The following RNLS variants were observed in gnomAD, a reference collection of about 807,000 sequenced individuals.
RNLS encodes renalase, FAD dependent amine oxidase.
A neutral mutation model predicts 39.8 loss-of-function variants in RNLS; 39 were observed. The observed-to-expected ratio is 0.98, with a 90% confidence interval of 0.76 to 1.28. RNLS has a LOEUF of 1.28. Ranked by LOEUF, RNLS falls within the 50% of genes most tolerant of loss-of-function variation. RNLS has a pLI of 0.00. For missense variants in RNLS, 410 were observed against 413.3 expected (o/e 0.99, Z 0.07); for synonymous variants, 147 against 150.7 (o/e 0.98, Z 0.18).
chr10:88,406,219 C>T (rs754399053), intron 4 of RNLS, among the ~76,000 whole-genome samples: 13 of 151,990 alleles, frequency 8.6e-5, no homozygotes, highest in South Asian at 2.1e-4. Flanking sequence ...GATATTTTTG[C>T]GATTAATTTC....
chr10:88,417,442 C>T (rs1250582392), intron 4 of RNLS, among the ~76,000 whole-genome samples: 1 of 152,192 alleles, frequency 6.6e-6, no homozygotes, highest in African/African-American at 2.4e-5. Context: ...CAAGAGTCCA[C>T]ATTTATGGAG....
intron 4 of RNLS, among the ~76,000 whole-genome samples, chr10:88,546,904 C>CAAA (rs35186408): frequency 7.5e-6 from 1 of 133,460 alleles, no homozygotes; most frequent in Non-Finnish European, 1.7e-5. Flanking sequence ...ACCATGAAAC[C>CAAA]AAAAAAAAAA....
chr10:88,408,368 T>G (rs934955681), intron 4 of RNLS, among the ~76,000 whole-genome samples: 10 of 152,086 alleles, frequency 6.6e-5, no homozygotes, highest in African/African-American at 2.4e-4. Flanking sequence ...ATTCATATGT[T>G]AGAACCTAAT....
chr10:88,285,329 C>A lies in RNLS; in HGVS notation c.*25G>T. On this transcript the variant is annotated 3_prime_UTR_variant, in exon 7 of 7. Transcript: ENST00000331772. ...ATTGTGAAAATAAAAACCCAATACA[C>A]ATGTAGAGAATAAGGATATAGGCAC... is the stretch of plus-strand genomic sequence containing the variant. 1 of 1,560,162 alleles carries A rather than the reference C, an allele frequency of 6.4e-7. No individual in the cohort carries two copies. The highest frequency in any genetic ancestry group is 8.7e-7 in the Non-Finnish European group (1 of 1,147,864).
intron 4 of RNLS, among the ~76,000 whole-genome samples, chr10:88,372,333 G>C (rs1589674829): frequency 6.6e-6 from 1 of 152,026 alleles, no homozygotes; most frequent in African/African-American, 2.4e-5. Context: ...AGGAAAAAAG[G>C]GTTTTCTCTC....
At chr10:88,348,517 G>T (rs1243776202) in intron 5 of RNLS, among the ~76,000 whole-genome samples, 1 of 152,086 alleles carries the variant, frequency 6.6e-6, no homozygotes, top group Non-Finnish European at 1.5e-5. Context: ...GGGACTTAGG[G>T]TATTTAATGT....
the RNLS span, among the ~76,000 whole-genome samples, chr10:88,268,486 G>T: frequency 3.9e-5 from 6 of 152,268 alleles, no homozygotes; most frequent in South Asian, 1.2e-3. Flanking sequence ...GCTGTGGGGG[G>T]GTTGATTCCA....
chr10:88,239,519 G>T, the RNLS span, among the ~76,000 whole-genome samples: 1 of 152,182 alleles, frequency 6.6e-6, no homozygotes, highest in Non-Finnish European at 1.5e-5. Flanking sequence ...CCCAATTTGT[G>T]CCTGAATGAA....
At chr10:88,290,522 CACA>C (rs763700160) in intron 6 of RNLS, among the ~76,000 whole-genome samples, 4 of 152,080 alleles carry the variant, frequency 2.6e-5, no homozygotes, top group Admixed American at 2.6e-4. Context: ...CACCATAAAA[CACA>C]ACAATATTTT....
chr10:88,508,956 T>G (rs1371524425), intron 4 of RNLS, among the ~76,000 whole-genome samples: 1 of 151,940 alleles, frequency 6.6e-6, no homozygotes, highest in Admixed American at 6.6e-5. Flanking sequence ...CATCCTGGAA[T>G]ACAATCATTT....
chr10:88,283,561 A>G (rs1440945551), downstream of RNLS, among the ~76,000 whole-genome samples: 1 of 152,178 alleles, frequency 6.6e-6, no homozygotes, highest in Non-Finnish European at 1.5e-5. Context: ...CCATATTTTA[A>G]GGGTAAATAT....
chr10:88,401,813 T>C (rs1258855094), intron 4 of RNLS, among the ~76,000 whole-genome samples: 3 of 152,012 alleles, frequency 2.0e-5, no homozygotes, highest in Non-Finnish European at 2.9e-5. Flanking sequence ...GCATAAATCA[T>C]ACATGGCTGC....
chr10:88,265,331 T>C, the RNLS span, among the ~76,000 whole-genome samples: 190 of 144,918 alleles, frequency 1.3e-3, 3 homozygotes, highest in African/African-American at 3.6e-3. Context: ...TTCTTTTTTT[T>C]TTTTTTTTTT....
At chr10:88,346,112 C>CCACAGA (rs201865148) in intron 5 of RNLS, among the ~76,000 whole-genome samples, 1,643 of 152,164 alleles carry the variant, frequency 0.011, 32 homozygotes, top group African/African-American at 0.037. Flanking sequence ...GAGATAATTG[C>CCACAGA]TAAACTGTGG....
chr10:88,283,870 C>G (rs1255367649), downstream of RNLS, among the ~76,000 whole-genome samples: 4 of 152,000 alleles, frequency 2.6e-5, no homozygotes, highest in African/African-American at 9.7e-5. Flanking sequence ...CTAGGCTTAA[C>G]TCCTGGGTGA....
intron 6 of RNLS, among the ~76,000 whole-genome samples, chr10:88,278,236 A>G (rs1040841981): frequency 6.6e-6 from 1 of 151,980 alleles, no homozygotes; most frequent in African/African-American, 2.4e-5. Context: ...TTTTTTCTCC[A>G]CAACGGTCTC....
chr10:88,303,592 A>ATTGCT lies in RNLS; in HGVS notation c.876+10869_876+10873dup, dbSNP rs146551217. ...CCTCAGGCCCATGGCAACTGTCCAC[A>ATTGCT]TTGCTTTGCTTTGCTTTGCTTTGCC... On this transcript the variant is annotated intron_variant, in intron 6 of 6. Transcript: ENST00000331772. Among the ~76,000 whole-genome samples the ATTGCT allele has an allele frequency of 5.2e-3, 797 of 152,124 alleles. 5 individuals carry two copies. Among genetic ancestry groups the ATTGCT allele is most frequent in the South Asian group, 0.03 (145 of 4,808 alleles).
intron 4 of RNLS, among the ~76,000 whole-genome samples, chr10:88,472,051 A>C (rs1023333150): frequency 6.6e-6 from 1 of 152,220 alleles, no homozygotes; most frequent in Admixed American, 6.5e-5. Flanking sequence ...ATCTGGAAGA[A>C]TATTTCAAGA....
At chr10:88,350,854 TA>T (rs1461930473) in intron 5 of RNLS, among the ~76,000 whole-genome samples, 2 of 152,212 alleles carry the variant, frequency 1.3e-5, no homozygotes, top group African/African-American at 4.8e-5. Flanking sequence ...ACCAACAGTG[TA>T]AAAGTGTTCC....
Sources: allele counts gnomAD v4.1 joint callset (sites outside exome capture counted in the v4.1 genomes callset), GRCh38; gene constraint gnomAD v4.1.1; transcripts MANE v1.5; gene names NCBI Gene and HGNC (gene_info 2026-07-23, HGNC 2026-07-21).